Variants in PCOLCE2 observed in about 807,000 individuals in gnomAD.
PCOLCE2 encodes the protein procollagen C-proteinase enhancer 2.
Under a neutral mutation model 47.0 loss-of-function variants are expected in PCOLCE2, and 42 were observed. The ratio of observed to expected loss-of-function variants is 0.89; its 90% CI spans 0.70 to 1.16. The LOEUF is 1.16. Among genes scored for constraint, PCOLCE2 ranks in the 50% most tolerant of loss-of-function variants. PCOLCE2 has a pLI of 0.00. For synonymous variants in PCOLCE2, 169 were observed against 191.7 expected (o/e 0.88, Z 0.98); for missense variants, 500 against 526.1 (o/e 0.95, Z 0.49).
chr3:142,840,986 A>C (rs1244756363), intron 4 of PCOLCE2, among the ~76,000 whole-genome samples: 1 of 151,858 alleles, frequency 6.6e-6, no homozygotes, highest in East Asian at 1.9e-4. Context: ...GAGGCAGGAG[A>C]ATGGACCGAA....
rs149715556 is a variant in PCOLCE2 at position 142,871,671 on chromosome 3, C to T, written c.192+15998G>A. Among the ~76,000 whole-genome samples the T allele has an allele frequency of 5.1e-3, 779 of 152,272 alleles. 4 individuals carry two copies. Among genetic ancestry groups the T allele is most frequent in the African/African-American group, 0.017 (713 of 41,570 alleles). ...AAGAAATTCTGTCTCAAGACTACAG[C>T]GGTATCTTCTCACTGGAAGTTTTCA... On this transcript the variant is annotated intron_variant, in intron 2 of 8. Coordinates refer to ENST00000295992, the MANE Select transcript of PCOLCE2 (RefSeq NM_013363.4).
intron 2 of PCOLCE2, among the ~76,000 whole-genome samples, chr3:142,880,096 T>C (rs1382260015): frequency 6.6e-6 from 1 of 150,578 alleles, no homozygotes; most frequent in East Asian, 2.0e-4. Flanking sequence ...TCATATAGCC[T>C]TGGATATGCA....
chr3:142,852,328 A>G (rs1932960026), intron 2 of PCOLCE2, among the ~76,000 whole-genome samples: 1 of 152,204 alleles, frequency 6.6e-6, no homozygotes, highest in African/African-American at 2.4e-5. Flanking sequence ...TAGAGAGCAT[A>G]TTCTCCGAAG....
rs1937005668 is a variant in PCOLCE2 at position 142,820,928 on chromosome 3, A to G, written c.1067T>C (p.Met356Thr). The G allele has an allele frequency of 2.5e-6, 4 of 1,614,024 alleles. No individual in the cohort carries two copies. The highest frequency in any genetic ancestry group is 1.1e-5 in the South Asian group (1 of 91,076). ...GCAGACGACAGTCAGCCTGGCACTC[A>G]TGTTCTTGCCCGCCTGCTGAATCGC... ...NLAIQQAGKN[M>T]SARLTVVCKQ... Residue 356 changes from methionine (M) to threonine (T), a missense_variant, in exon 8 of 9, where the codon ATG becomes ACG. Transcript: ENST00000295992.
intron 3 of PCOLCE2, among the ~76,000 whole-genome samples, chr3:142,845,706 G>C (rs2108195899): frequency 6.6e-6 from 1 of 152,308 alleles, no homozygotes; most frequent in South Asian, 2.1e-4. Flanking sequence ...AGGGGCGGTG[G>C]CTCACACCTG....
intron 1 of PCOLCE2, 56 bp downstream of exon 1, chr3:142,888,758 G>A: frequency 9.4e-7 from 1 of 1,065,022 alleles, no homozygotes; most frequent in Non-Finnish European, 1.3e-6. Flanking sequence ...AGGCGAGGCT[G>A]CAGGGGTGGA....
intron 2 of PCOLCE2, 130 bp from the exon 3 acceptor site, chr3:142,848,602 T>C (rs1260548683): frequency 1.3e-6 from 1 of 797,526 alleles, no homozygotes; most frequent in Non-Finnish European, 1.9e-6. Flanking sequence ...ATATCTGAAC[T>C]AACCCAAGGG....
chr3:142,876,202 C>T (rs1408342622), intron 2 of PCOLCE2, among the ~76,000 whole-genome samples: 1 of 152,210 alleles, frequency 6.6e-6, no homozygotes, highest in Admixed American at 6.5e-5. Flanking sequence ...GACCTTCTCA[C>T]TGTGTGCCCA....
At chr3:142,825,727 A>T (rs1292286744) in intron 6 of PCOLCE2, among the ~76,000 whole-genome samples, 1 of 151,818 alleles carries the variant, frequency 6.6e-6, no homozygotes, top group Non-Finnish European at 1.5e-5. Flanking sequence ...CTTCCTTAGC[A>T]ATTCTATTTC....
intron 2 of PCOLCE2, among the ~76,000 whole-genome samples, chr3:142,862,457 T>G (rs1440600798): frequency 6.6e-6 from 1 of 152,236 alleles, no homozygotes; most frequent in Non-Finnish European, 1.5e-5. Flanking sequence ...ATTAATTCTG[T>G]TCCAATTCCA....
chr3:142,858,746 T>C (rs1349065748), intron 2 of PCOLCE2, among the ~76,000 whole-genome samples: 1 of 142,642 alleles, frequency 7.0e-6, no homozygotes, highest in Non-Finnish European at 1.6e-5. Flanking sequence ...TGTGTGTGTG[T>C]GTGTGTGTAA....
intron 6 of PCOLCE2, among the ~76,000 whole-genome samples, chr3:142,826,200 G>T (rs1349698091): frequency 6.6e-6 from 1 of 151,918 alleles, no homozygotes; most frequent in African/African-American, 2.4e-5. Flanking sequence ...GTAGAGGCGG[G>T]GTTTCACCGT....
Position 142,828,828 on chromosome 3 carries a change from T to C in PCOLCE2, c.865+864A>G, listed in dbSNP as rs116217075. Among the ~76,000 whole-genome samples, 1,086 of 152,278 alleles carry C rather than the reference T, an allele frequency of 7.1e-3. 14 individuals are homozygous for C. The highest frequency in any genetic ancestry group is 0.024 in the African/African-American group (1,014 of 41,544). On this transcript the variant is annotated intron_variant, in intron 6 of 8. Transcript: ENST00000295992. ...ACATGGACACCAAGGCTTACTGAGC[T>C]GAGCTGGAGAAATACAGCAGTTACA...
At chr3:142,819,373 T>C (rs1441561109) in intron 8 of PCOLCE2, among the ~76,000 whole-genome samples, 2 of 152,198 alleles carry the variant, frequency 1.3e-5, no homozygotes, top group African/African-American at 4.8e-5. Context: ...CCTTTTTCTC[T>C]TGCATTTTCC....
At chr3:142,822,769 G>T (rs541720603) in intron 7 of PCOLCE2, among the ~76,000 whole-genome samples, 1 of 152,150 alleles carries the variant, frequency 6.6e-6, no homozygotes, top group Non-Finnish European at 1.5e-5. Flanking sequence ...GATACAGCTC[G>T]TCTGGACTAC....
At chr3:142,826,066 G>A (rs1341665764) in intron 6 of PCOLCE2, among the ~76,000 whole-genome samples, 3 of 151,546 alleles carry the variant, frequency 2.0e-5, no homozygotes, top group Non-Finnish European at 4.4e-5. Context: ...GTGCAGTGGC[G>A]CGATGTCGGC....
intron 2 of PCOLCE2, among the ~76,000 whole-genome samples, chr3:142,878,268 T>C (rs1933538892): frequency 6.6e-6 from 1 of 152,198 alleles, no homozygotes; most frequent in Non-Finnish European, 1.5e-5. Context: ...CCCACTTCTC[T>C]GTGGGTGTTC....
chr3:142,848,238 C>T lies in PCOLCE2; in HGVS notation c.427G>A (p.Ala143Thr), dbSNP rs376768304. The change falls in exon 3 of 9, where the codon GCT (alanine) becomes ACT (threonine). Residue 143 changes from alanine to threonine, a missense_variant. Physicochemically the swap from Ala to Thr is moderately conservative, Grantham distance 58. Coordinates refer to ENST00000295992, the MANE Select transcript of PCOLCE2 (RefSeq NM_013363.4). ...AGNGFMAMFSAAEPNERGDQY... is the reference protein window; with the variant it reads ...AGNGFMAMFSTAEPNERGDQY... ...GTACCTCTTTCGTTTGGTTCAGCAG[C>T]GGAGAACATGGCCATGAAGCCATTG... The T allele has an allele frequency of 9.8e-5, 158 of 1,614,094 alleles. No homozygotes were observed. Among genetic ancestry groups the T allele is most frequent in the African/African-American group, 6.9e-4 (52 of 75,036 alleles).
Position 142,845,164 on chromosome 3 carries a change from G to A in PCOLCE2, c.449-2116C>T, listed in dbSNP as rs148002987. 2.3e-3 allele frequency among the ~76,000 whole-genome samples: 343 copies of A among 152,022 alleles called. 1 individual carries two copies. The highest frequency in any genetic ancestry group is 7.8e-3 in the African/African-American group (323 of 41,478). ...TCTTTGGGTTAGTTGGATAATTTTAGTATTCTATTTTAATCTTTTGGCTTT... is the reference window on the plus strand; with the variant it reads ...TCTTTGGGTTAGTTGGATAATTTTAATATTCTATTTTAATCTTTTGGCTTT... On this transcript the variant is annotated intron_variant, in intron 3 of 8. Transcript: ENST00000295992.
Sources: allele counts gnomAD v4.1 joint callset (sites outside exome capture counted in the v4.1 genomes callset), GRCh38; gene constraint gnomAD v4.1.1; transcripts MANE v1.5; gene names NCBI Gene and HGNC (gene_info 2026-07-23, HGNC 2026-07-21).